SS18L1: variants seen among roughly 807,000 people sequenced by gnomAD.
The protein encoded by SS18L1 is calcium-responsive transactivator.
SS18L1 carries 32 observed loss-of-function variants against 70.3 expected under a neutral mutation model. That is an observed-to-expected ratio of 0.46 (90% CI 0.34 to 0.61). The LOEUF is 0.61. Ranked by LOEUF, SS18L1 falls within the 20% of genes least tolerant of loss-of-function variation. The probability of loss-of-function intolerance (pLI) is 0.01; values close to 1 mark genes in which losing one functional copy is unlikely to be tolerated. For synonymous variants in SS18L1, 237 were observed against 229.7 expected (o/e 1.03, Z -0.29); for missense variants, 430 against 542.1 (o/e 0.79, Z 2.05).
chr20:62,173,539 G>A (rs895957683), intron 9 of SS18L1, among the ~76,000 whole-genome samples: 6 of 151,726 alleles, frequency 4.0e-5, no homozygotes, highest in Non-Finnish European at 2.9e-5. Context: ...GTGAAACCTC[G>A]TCTCTACTAA....
intron 10 of SS18L1, chr20:62,175,054 C>CG (rs1402508528): frequency 6.8e-6 from 5 of 730,618 alleles, no homozygotes; most frequent in Admixed American, 6.3e-5. Flanking sequence ...GAGGACAGAG[C>CG]GGGGGGCCCC....
chr20:62,150,668 TTTG>T (rs1234914904), intron 1 of SS18L1, among the ~76,000 whole-genome samples: 5 of 121,260 alleles, frequency 4.1e-5, no homozygotes, highest in Admixed American at 2.5e-4. Flanking sequence ...TTTTTTTTTT[TTTG>T]GAGACAGAGT....
chr20:62,177,459 G>A (rs566755835), intron 10 of SS18L1, among the ~76,000 whole-genome samples: 1 of 152,282 alleles, frequency 6.6e-6, no homozygotes, highest in Non-Finnish European at 1.5e-5. Context: ...GCAGCTCTGG[G>A]AATGAGAATG....
In SS18L1 at chr20:62,172,810, C is replaced by T; in HGVS notation, c.1036+9C>T. 6 of 1,612,360 alleles carry T rather than the reference C, an allele frequency of 3.7e-6. No homozygotes were observed. Among genetic ancestry groups the T allele is most frequent in the Non-Finnish European group, 5.1e-6 (6 of 1,179,470 alleles). On this transcript the variant is annotated intron_variant, in intron 9 of 10. Transcript: ENST00000331758. Reference sequence around the variant, plus strand: ...GCAGCAGCAGGGCTACGGTAAGAGGCGAGCACGGTCCTCGGGGCCCCCCAG... The same window carrying T: ...GCAGCAGCAGGGCTACGGTAAGAGGTGAGCACGGTCCTCGGGGCCCCCCAG...
intron 1 of SS18L1, among the ~76,000 whole-genome samples, chr20:62,147,593 A>G (rs112242537): frequency 3.8e-4 from 58 of 152,194 alleles, no homozygotes; most frequent in African/African-American, 1.2e-3. Context: ...CCTTGGCCGG[A>G]TAATAGCAGT....
At chr20:62,154,848 C>T (rs1290428470) in intron 1 of SS18L1, among the ~76,000 whole-genome samples, 1 of 152,136 alleles carries the variant, frequency 6.6e-6, no homozygotes, top group South Asian at 2.1e-4. Context: ...TGGAGGGCCG[C>T]GCTGGCCCAC....
At chr20:62,153,323 C>A (rs1310039042) in intron 1 of SS18L1, among the ~76,000 whole-genome samples, 4 of 152,192 alleles carry the variant, frequency 2.6e-5, no homozygotes, top group Non-Finnish European at 5.9e-5. Flanking sequence ...GGTGGGGACA[C>A]AGACAGACCC....
chr20:62,162,945 C>T lies in SS18L1; in HGVS notation c.556+14C>T, dbSNP rs2057357964. 1 of 1,610,160 alleles carries T rather than the reference C, an allele frequency of 6.2e-7. No individual in the cohort carries two copies. Among genetic ancestry groups the T allele is most frequent in the Non-Finnish European group, 8.5e-7 (1 of 1,178,886 alleles). On this transcript the variant is annotated intron_variant, in intron 5 of 10. Transcript: ENST00000331758. ...AGTCCAACCCAGGTACCTACTCTGC[C>T]TCTGCAACCCCGGGGGGCCTGGGCC...
intron 1 of SS18L1, among the ~76,000 whole-genome samples, chr20:62,153,068 G>T (rs548058849): frequency 6.6e-6 from 1 of 152,298 alleles, no homozygotes; most frequent in South Asian, 2.1e-4. Context: ...GGCTGGGGAG[G>T]CCTCAGGAAA....
chr20:62,152,591 G>A (rs1198879849), intron 1 of SS18L1, among the ~76,000 whole-genome samples: 2 of 152,298 alleles, frequency 1.3e-5, no homozygotes, highest in Non-Finnish European at 1.5e-5. Context: ...CTGGGAAACA[G>A]TGTCTGCAGA....
intron 1 of SS18L1, chr20:62,154,257 C>T (rs2057183135): frequency 2.1e-6 from 2 of 947,516 alleles, no homozygotes; most frequent in Non-Finnish European, 2.6e-6. Context: ...TGTTCATCTT[C>T]CTTGTCTTTG....
chr20:62,150,633 A>ATTTTTTTTTTTTTTTTTTTTT lies in SS18L1; in HGVS notation c.69+6761_69+6781dup, dbSNP rs34708339. On this transcript the variant is annotated intron_variant, in intron 1 of 10. Coordinates refer to ENST00000331758, the MANE Select transcript of SS18L1 (RefSeq NM_198935.3). ...CGGAGCATAAGAAACATTGAGGTGGATTTTTTTTTTTTTTTTTTTTTTTTT... is the reference window on the plus strand; with the variant it reads ...CGGAGCATAAGAAACATTGAGGTGGATTTTTTTTTTTTTTTTTTTTTTTTTTTTTTTTTTTTTTTTTTTTTT... Among the ~76,000 whole-genome samples the ATTTTTTTTTTTTTTTTTTTTT allele has an allele frequency of 6.9e-5, 4 of 58,030 alleles. 1 individual carries two copies. The highest frequency in any genetic ancestry group is 7.1e-5 in the Non-Finnish European group (2 of 28,250). 38.1% of individuals were successfully genotyped at this position (58,030 alleles called of 152,430 possible). A position where few individuals can be genotyped will look rare whatever the true frequency, so the allele number is the denominator to read the frequency against.
chr20:62,157,047 C>T (rs1460170100), intron 1 of SS18L1, among the ~76,000 whole-genome samples: 1 of 150,274 alleles, frequency 6.7e-6, no homozygotes, highest in African/African-American at 2.5e-5. Flanking sequence ...CATACCCCCT[C>T]TCTCCTCTCT....
intron 1 of SS18L1, among the ~76,000 whole-genome samples, chr20:62,156,391 A>G (rs1041315944): frequency 6.6e-6 from 1 of 152,148 alleles, no homozygotes; most frequent in African/African-American, 2.4e-5. Context: ...CCTGGCCCAC[A>G]GTGTCCCCTG....
chr20:62,150,856 G>A (rs868412967), intron 1 of SS18L1, among the ~76,000 whole-genome samples: 4 of 152,120 alleles, frequency 2.6e-5, no homozygotes, highest in Middle Eastern at 3.4e-3. Flanking sequence ...TATCAGGTGT[G>A]TGCAGAGTCG....
intron 1 of SS18L1, among the ~76,000 whole-genome samples, chr20:62,150,581 A>G (rs1296884478): frequency 7.1e-6 from 1 of 140,304 alleles, no homozygotes; most frequent in Non-Finnish European, 1.5e-5. Flanking sequence ...ACAGAGTACT[A>G]CGTTGTGTCC....
intron 1 of SS18L1, among the ~76,000 whole-genome samples, chr20:62,148,500 GA>G (rs1210696947): frequency 3.1e-4 from 47 of 150,774 alleles, no homozygotes; most frequent in African/African-American, 1.1e-3. Flanking sequence ...TCGGTCAGGT[GA>G]GGGAGGCTCG....
At chr20:62,160,477 C>T (rs2057309286) in intron 3 of SS18L1, among the ~76,000 whole-genome samples, 1 of 152,048 alleles carries the variant, frequency 6.6e-6, no homozygotes, top group African/African-American at 2.4e-5. Context: ...GAACCGTGCA[C>T]ATGCGCTGCT....
At chr20:62,164,799 CAGG>C (rs2057398122) in intron 7 of SS18L1, among the ~76,000 whole-genome samples, 1 of 152,208 alleles carries the variant, frequency 6.6e-6, no homozygotes, top group South Asian at 2.1e-4. Flanking sequence ...GAGGCTGAGG[CAGG>C]AGGATCGCTT....
Sources: gnomAD v4.1 joint callset for allele counts (sites outside exome capture counted in the v4.1 genomes callset) on GRCh38, gnomAD v4.1.1 for gene constraint, MANE v1.5 for transcripts, NCBI Gene and HGNC (gene_info 2026-07-23, HGNC 2026-07-21) for gene names.